The following RNF130 variants were observed in gnomAD, a reference collection of about 807,000 sequenced individuals.
RNF130 encodes E3 ubiquitin-protein ligase RNF130.
In RNF130, 21 loss-of-function variants were observed where a neutral mutation model predicts 44.6. The ratio of observed to expected loss-of-function variants is 0.47; its 90% CI spans 0.33 to 0.68. The LOEUF (loss-of-function observed/expected upper bound fraction) is 0.68, where lower values mean the gene tolerates loss of function less well. Among genes scored for constraint, RNF130 ranks in the 30% least tolerant of loss-of-function variants. The probability of loss-of-function intolerance (pLI) is 0.02; values close to 1 mark genes in which losing one functional copy is unlikely to be tolerated. For synonymous variants in RNF130, 214 were observed against 210.4 expected (o/e 1.02, Z -0.15); for missense variants, 479 against 560.6 (o/e 0.85, Z 1.47).
intron 7 of RNF130, among the ~76,000 whole-genome samples, chr5:179,923,665 C>T (rs1403589027): frequency 6.6e-6 from 1 of 152,168 alleles, no homozygotes; most frequent in Non-Finnish European, 1.5e-5. Context: ...TACCTCACTT[C>T]CCTTTCCTGT....
At chr5:179,980,079 C>T (rs1394897119) in intron 4 of RNF130, 50 bp downstream of exon 4, 1 of 1,553,580 alleles carries the variant, frequency 6.4e-7, no homozygotes, top group African/African-American at 1.4e-5. Context: ...CAAACAAAAA[C>T]AAAACTGCTG....
intron 8 of RNF130, among the ~76,000 whole-genome samples, chr5:179,958,880 C>T (rs949095930): frequency 6.6e-6 from 1 of 152,104 alleles, no homozygotes; most frequent in Non-Finnish European, 1.5e-5. Context: ...GGGGCTTCAC[C>T]GTGTTGGCTA....
chr5:180,000,723 G>A (rs974690768), intron 3 of RNF130, among the ~76,000 whole-genome samples: 2 of 152,100 alleles, frequency 1.3e-5, no homozygotes, highest in African/African-American at 4.8e-5. Context: ...TTCTTCAGCT[G>A]CAGGATTTGA....
At chr5:179,949,138 G>A (rs1449890574) in intron 7 of RNF130, among the ~76,000 whole-genome samples, 1 of 151,742 alleles carries the variant, frequency 6.6e-6, no homozygotes, top group Non-Finnish European at 1.5e-5. Context: ...GCTAATTTTT[G>A]TATTTTAGTA....
intron 5 of RNF130, 80 bp downstream of exon 5, chr5:179,978,123 A>G: frequency 2.4e-6 from 3 of 1,232,748 alleles, no homozygotes; most frequent in Non-Finnish European, 3.6e-6. Context: ...GCTCAAAAGC[A>G]AGGGAGATGC....
At chr5:180,057,614 G>A (rs942202156) in intron 1 of RNF130, among the ~76,000 whole-genome samples, 2 of 152,068 alleles carry the variant, frequency 1.3e-5, no homozygotes, top group African/African-American at 4.8e-5. Context: ...CAGGGTTCAG[G>A]TAGCTTTGGG....
At chr5:179,984,477 G>A (rs12153395) in intron 3 of RNF130, among the ~76,000 whole-genome samples, 10,659 of 152,066 alleles carry the variant, frequency 0.07, 507 homozygotes, top group Non-Finnish European at 0.11. Flanking sequence ...GTTGGACTTC[G>A]GCAAATATCT....
At chr5:179,919,136 G>A (rs938036108) in exon 8 of RNF130, 25 of 152,210 alleles carry the variant, frequency 1.6e-4, no homozygotes, top group African/African-American at 6.0e-4. Flanking sequence ...TTGCAAAGAG[G>A]GTGTGCAGAT....
At chr5:179,957,709 T>C (rs1377756880) in intron 8 of RNF130, among the ~76,000 whole-genome samples, 1 of 152,100 alleles carries the variant, frequency 6.6e-6, no homozygotes, top group East Asian at 1.9e-4. Flanking sequence ...TGTGTACATA[T>C]ATCTCACACT....
chr5:179,997,168 G>T (rs1229889886), intron 3 of RNF130, among the ~76,000 whole-genome samples: 1 of 152,016 alleles, frequency 6.6e-6, no homozygotes, highest in South Asian at 2.1e-4. Flanking sequence ...TGGAGACAGG[G>T]TCTTGCTCTG....
intron 2 of RNF130, among the ~76,000 whole-genome samples, chr5:180,016,459 T>TATCAAA (rs1763736244): frequency 6.6e-6 from 1 of 152,202 alleles, no homozygotes; most frequent in Non-Finnish European, 1.5e-5. Context: ...ATTTGGGACA[T>TATCAAA]GCCCCACCAC....
chr5:179,965,719 A>T (rs1249649456), intron 7 of RNF130, among the ~76,000 whole-genome samples: 1 of 152,204 alleles, frequency 6.6e-6, no homozygotes, highest in South Asian at 2.1e-4. Flanking sequence ...GCCAAACTAC[A>T]CTCAAAGCAC....
intron 2 of RNF130, among the ~76,000 whole-genome samples, chr5:180,027,282 C>T (rs1764013391): frequency 6.6e-6 from 1 of 152,150 alleles, no homozygotes; most frequent in African/African-American, 2.4e-5. Flanking sequence ...CTGTAGACAG[C>T]ACTGCCCTAC....
chr5:179,974,929 T>C (rs1416669257), intron 5 of RNF130, among the ~76,000 whole-genome samples: 1 of 152,222 alleles, frequency 6.6e-6, no homozygotes, highest in Non-Finnish European at 1.5e-5. Context: ...AACCCATTGC[T>C]TCCTCTGGGC....
At chr5:179,918,886 G>A (rs922738239) in exon 8 of RNF130, 5 of 152,238 alleles carry the variant, frequency 3.3e-5, no homozygotes, top group Non-Finnish European at 5.9e-5. Flanking sequence ...TGACGCGTTA[G>A]GAGAAAAGAC....
intron 7 of RNF130, among the ~76,000 whole-genome samples, chr5:179,929,420 CTTG>C (rs944393196): frequency 6.6e-6 from 1 of 152,122 alleles, no homozygotes; most frequent in African/African-American, 2.4e-5. Context: ...TCAAAATGTT[CTTG>C]TTATTCTTAG....
chr5:179,951,881 T>C (rs1001232117), downstream of RNF130, among the ~76,000 whole-genome samples: 83 of 151,948 alleles, frequency 5.5e-4, no homozygotes, highest in African/African-American at 2.0e-3. Flanking sequence ...GCCACAACAA[T>C]ATCAAAATTT....
chr5:180,000,268 C>T (rs577415347), intron 3 of RNF130, among the ~76,000 whole-genome samples: 48 of 152,298 alleles, frequency 3.2e-4, no homozygotes, highest in African/African-American at 1.0e-3. Context: ...CTGGAAAAAT[C>T]TGTTTTTAGT....
At chr5:179,993,393 C>T (rs1181091282) in intron 3 of RNF130, among the ~76,000 whole-genome samples, 1 of 152,156 alleles carries the variant, frequency 6.6e-6, no homozygotes, top group Non-Finnish European at 1.5e-5. Context: ...CTGTTGTTTC[C>T]TAACTTTTTA....
Sources: gnomAD v4.1 joint callset for allele counts (sites outside exome capture counted in the v4.1 genomes callset) on GRCh38, gnomAD v4.1.1 for gene constraint, MANE v1.5 for transcripts, NCBI Gene and HGNC (gene_info 2026-07-23, HGNC 2026-07-21) for gene names.